The following FAT4 variants were observed in gnomAD, a reference collection of about 807,000 sequenced individuals.
FAT4 encodes the protein protocadherin Fat 4.
FAT4 carries 84 observed loss-of-function variants against 303.9 expected under a neutral mutation model. The ratio of observed to expected loss-of-function variants is 0.28; its 90% CI spans 0.23 to 0.33. FAT4 has a LOEUF of 0.33. Among genes scored for constraint, FAT4 ranks in the 10% least tolerant of loss-of-function variants. FAT4 has a pLI of 1.00. For missense variants in FAT4, 6,005 were observed against 6,146.8 expected (o/e 0.98, Z 0.77); for synonymous variants, 2,307 against 2,298.8 (o/e 1.00, Z -0.10).
chr4:125,462,787 A>T (rs1345085713), intron 10 of FAT4, among the ~76,000 whole-genome samples: 3 of 151,934 alleles, frequency 2.0e-5, no homozygotes, highest in Non-Finnish European at 4.4e-5. Context: ...CTTTGTATGG[A>T]TTAATACTCC....
chr4:125,333,146 ATAT>A (rs1731449136), intron 2 of FAT4, among the ~76,000 whole-genome samples: 2 of 152,018 alleles, frequency 1.3e-5, no homozygotes, highest in Non-Finnish European at 2.9e-5. Flanking sequence ...TAGCATACAG[ATAT>A]ATGTAATTTA....
intron 2 of FAT4, among the ~76,000 whole-genome samples, chr4:125,369,445 G>A (rs1733019134): frequency 6.6e-6 from 1 of 151,870 alleles, no homozygotes; most frequent in Non-Finnish European, 1.5e-5. Context: ...CACAAAACAA[G>A]CAAACAAATA....
intron 2 of FAT4, among the ~76,000 whole-genome samples, chr4:125,369,441 A>G (rs1175530249): frequency 6.6e-6 from 1 of 152,142 alleles, no homozygotes; most frequent in Non-Finnish European, 1.5e-5. Context: ...ATCTCACAAA[A>G]CAAGCAAACA....
At chr4:125,325,232 G>A (rs994778421) in intron 2 of FAT4, among the ~76,000 whole-genome samples, 4 of 152,026 alleles carry the variant, frequency 2.6e-5, no homozygotes, top group Admixed American at 1.3e-4. Context: ...TCTCGCATTC[G>A]TAATGATTTT....
chr4:125,412,951 A>G (rs1734901978), intron 5 of FAT4, among the ~76,000 whole-genome samples: 1 of 151,812 alleles, frequency 6.6e-6, no homozygotes, highest in African/African-American at 2.4e-5. Flanking sequence ...TTTGTAGGAA[A>G]TGCAGAAAAT....
chr4:125,317,356 T>C lies in FAT4; in HGVS notation c.945T>C (p.Ala315=), dbSNP rs568968104. ...ITVREPLDFE[A]RRQYSLTVQA... ...TGCGGGAGCCCCTGGACTTCGAAGC[T>C]CGGCGCCAATACTCGCTTACGGTGC... The change falls in exon 2 of 18, where the codon GCT becomes GCC. Residue 315 remains alanine (A), a synonymous_variant. Coordinates refer to ENST00000394329, the MANE Select transcript of FAT4 (RefSeq NM_001291303.3). This position sits in a 1 kb window ranked among gnomAD's most constrained non-coding sequence, Gnocchi z 7.0. 1 of 1,612,764 alleles carries C rather than the reference T, an allele frequency of 6.2e-7. No individual in the cohort carries two copies. Among genetic ancestry groups the C allele is most frequent in the East Asian group, 2.2e-5 (1 of 44,840 alleles).
chr4:125,471,420 TAA>T (rs2126078739), intron 12 of FAT4, among the ~76,000 whole-genome samples: 1 of 152,280 alleles, frequency 6.6e-6, no homozygotes, highest in South Asian at 2.1e-4. Flanking sequence ...TGAAGAGCAA[TAA>T]AATGAGGCAT....
chr4:125,461,479 C>T (rs1405392319), intron 10 of FAT4, among the ~76,000 whole-genome samples: 1 of 151,912 alleles, frequency 6.6e-6, no homozygotes, highest in East Asian at 1.9e-4. Context: ...TCCTCATTTC[C>T]AGTCGTTAAG....
intron 8 of FAT4, among the ~76,000 whole-genome samples, chr4:125,437,548 G>A (rs1399976775): frequency 6.6e-6 from 1 of 152,156 alleles, no homozygotes; most frequent in Non-Finnish European, 1.5e-5. Context: ...ATAGAGGACT[G>A]AGAAATTTCT....
At chr4:125,382,860 C>T (rs979538943) in intron 2 of FAT4, among the ~76,000 whole-genome samples, 7 of 152,206 alleles carry the variant, frequency 4.6e-5, no homozygotes, top group African/African-American at 1.4e-4. Flanking sequence ...TGTACATCAG[C>T]ATTTGCTGCT....
intron 12 of FAT4, among the ~76,000 whole-genome samples, chr4:125,472,014 A>G (rs1322904873): frequency 7.0e-6 from 1 of 142,780 alleles, no homozygotes; most frequent in African/African-American, 2.6e-5. Flanking sequence ...CGGAGCTTGC[A>G]GTGAGCCGAG....
intron 12 of FAT4, among the ~76,000 whole-genome samples, chr4:125,471,210 A>C (rs1726844367): frequency 1.3e-5 from 2 of 152,242 alleles, no homozygotes; most frequent in Admixed American, 6.5e-5. Context: ...ATCCAAGGAC[A>C]CTTCACTCAT....
At chr4:125,352,312 C>T (rs71610125) in intron 2 of FAT4, among the ~76,000 whole-genome samples, 9 of 151,520 alleles carry the variant, frequency 5.9e-5, no homozygotes, top group Non-Finnish European at 1.0e-4. Context: ...CCAGGGAAAA[C>T]TTTGTCACTA....
intron 3 of FAT4, among the ~76,000 whole-genome samples, chr4:125,403,497 G>A (rs1436562152): frequency 6.6e-6 from 1 of 151,866 alleles, no homozygotes; most frequent in Non-Finnish European, 1.5e-5. Flanking sequence ...CCTTATATGA[G>A]TGTTCCTATC....
intron 10 of FAT4, among the ~76,000 whole-genome samples, chr4:125,462,275 T>C (rs1455690086): frequency 6.6e-6 from 1 of 151,958 alleles, no homozygotes; most frequent in Non-Finnish European, 1.5e-5. Flanking sequence ...AAAGTTAGTA[T>C]GATGAAATGA....
At chr4:125,427,737 G>A (rs1012025300) in intron 7 of FAT4, among the ~76,000 whole-genome samples, 2 of 152,132 alleles carry the variant, frequency 1.3e-5, no homozygotes, top group Admixed American at 6.6e-5. Flanking sequence ...CACACCGCTA[G>A]TCAGGGGACC....
chr4:125,490,899 C>G lies in FAT4; in HGVS notation c.14083C>G (p.Pro4695Ala), dbSNP rs1382073602. 6.2e-7 allele frequency: 1 copy of G among 1,614,184 alleles called. No homozygotes were observed. Among genetic ancestry groups the G allele is most frequent in the Admixed American group, 1.7e-5 (1 of 60,028 alleles). Residue 4695 changes from proline to alanine, a missense_variant, in exon 18 of 18, where the codon CCA (proline) becomes GCA (alanine). Pro to Ala is a conservative substitution (Grantham distance 27, BLOSUM62 -1). Coordinates refer to ENST00000394329, the MANE Select transcript of FAT4 (RefSeq NM_001291303.3). ...CAGCTCCCTAAGCCACTCAGCATGC[C>G]CAACTCCCAACCCTCTGTCTCGACA... ...RTSSLSHSAC[P>A]TPNPLSRHSP... is the part of the protein sequence containing the mutation.
In FAT4 at chr4:125,315,711, G is replaced by T. The variant is rs899241699; in HGVS notation, c.-279G>T. Among the ~76,000 whole-genome samples, 1 of 152,144 alleles carries T rather than the reference G, an allele frequency of 6.6e-6. No individual in the cohort carries two copies. Among genetic ancestry groups the T allele is most frequent in the Non-Finnish European group, 1.5e-5 (1 of 68,028 alleles). On this transcript the variant is annotated 5_prime_UTR_variant, in exon 1 of 18. Coordinates refer to ENST00000394329, the MANE Select transcript of FAT4 (RefSeq NM_001291303.3). ...GGCAGAGTTGAGCGCTCCCGGGTAC[G>T]GGAGCCAGAGCGCGAACGCTAGCGC...
chr4:125,320,379 A>G lies in FAT4; in HGVS notation c.3968A>G (p.Asp1323Gly). 6.2e-7 allele frequency: 1 copy of G among 1,614,104 alleles called. No individual in the cohort carries two copies. Among genetic ancestry groups the G allele is most frequent in the Non-Finnish European group, 8.5e-7 (1 of 1,179,986 alleles). ...TTCCCTAAATCAACACTCTTTGTTG[A>G]TGTTTTGGAAAACATGAGAATTGGT... is the stretch of plus-strand genomic sequence containing the variant. Reference protein sequence around the residue: ...PSFPKSTLFVDVLENMRIGEL... With the variant: ...PSFPKSTLFVGVLENMRIGEL... Residue 1323 changes from aspartate to glycine, a missense_variant, in exon 2 of 18, where the codon GAT becomes GGT. Transcript: ENST00000394329.
Sources: gnomAD v4.1 joint callset for allele counts (sites outside exome capture counted in the v4.1 genomes callset) on GRCh38, gnomAD v4.1.1 for gene constraint, Gnocchi (gnomAD v3.1) non-coding constraint, MANE v1.5 for transcripts, NCBI Gene and HGNC (gene_info 2026-07-23, HGNC 2026-07-21) for gene names.